ZNF521: variants seen among roughly 807,000 people sequenced by gnomAD.
ZNF521 encodes LYST-interacting protein 3.
Under a neutral mutation model 105.5 loss-of-function variants are expected in ZNF521, and 14 were observed. The observed-to-expected ratio is 0.13, with a 90% CI of 0.09 to 0.21. ZNF521 has a LOEUF of 0.21. Ranked by LOEUF, ZNF521 falls within the 10% of genes least tolerant of loss-of-function variation. The pLI is 1.00. For synonymous variants in ZNF521, 635 were observed against 606.0 expected (o/e 1.05, Z -0.70); for missense variants, 1,233 against 1,629.7 (o/e 0.76, Z 4.19).
intron 5 of ZNF521, chr18:25,136,744 T>A (rs909672024): frequency 6.6e-6 from 1 of 152,214 alleles, no homozygotes; most frequent in Non-Finnish European, 1.5e-5. Flanking sequence ...TGGAGTCTAG[T>A]AATAAAACAG....
chr18:25,313,490 A>T (rs1449094467), intron 3 of ZNF521, among the ~76,000 whole-genome samples: 1 of 152,190 alleles, frequency 6.6e-6, no homozygotes, highest in African/African-American at 2.4e-5. Flanking sequence ...AGCTGACTGA[A>T]AGTTGGCAAA....
chr18:25,100,548 C>T (rs2033946295), intron 5 of ZNF521, among the ~76,000 whole-genome samples: 1 of 152,096 alleles, frequency 6.6e-6, no homozygotes, highest in Non-Finnish European at 1.5e-5. Flanking sequence ...AATCCTGCTC[C>T]TTTCACTTTG....
chr18:25,250,592 G>A (rs1413260009), intron 3 of ZNF521, among the ~76,000 whole-genome samples: 2 of 152,172 alleles, frequency 1.3e-5, no homozygotes, highest in African/African-American at 4.8e-5. Flanking sequence ...CTGTATGGGT[G>A]CCAGATTCTT....
intron 5 of ZNF521, among the ~76,000 whole-genome samples, chr18:25,124,027 T>C (rs1452851358): frequency 6.6e-6 from 1 of 152,170 alleles, no homozygotes; most frequent in East Asian, 1.9e-4. Flanking sequence ...ATCTGTGTCC[T>C]GGCCCCAGTG....
chr18:25,299,345 G>A (rs1001174901), intron 3 of ZNF521, among the ~76,000 whole-genome samples: 5 of 152,284 alleles, frequency 3.3e-5, no homozygotes, highest in East Asian at 1.9e-4. Context: ...ATGTAAATGC[G>A]AACAAGACAA....
At chr18:25,110,699 T>A (rs34979937) in intron 5 of ZNF521, among the ~76,000 whole-genome samples, 1 of 150,988 alleles carries the variant, frequency 6.6e-6, no homozygotes, top group African/African-American at 2.4e-5. Flanking sequence ...AAAAAAAAAA[T>A]TGTGTGTTTC....
At chr18:25,169,801 A>C (rs1197995103) in intron 5 of ZNF521, among the ~76,000 whole-genome samples, 1 of 152,164 alleles carries the variant, frequency 6.6e-6, no homozygotes, top group East Asian at 1.9e-4. Flanking sequence ...GTTTAGAAAA[A>C]CAGAGTAAGA....
chr18:25,280,421 T>TA (rs113409808), intron 3 of ZNF521, among the ~76,000 whole-genome samples: 12,840 of 143,202 alleles, frequency 0.09, 681 homozygotes, highest in African/African-American at 0.17. Context: ...TGTAAAAAAT[T>TA]AAAAAAAAAA....
intron 2 of ZNF521, among the ~76,000 whole-genome samples, chr18:25,343,571 A>G (rs1432379612): frequency 6.6e-6 from 1 of 152,242 alleles, no homozygotes; most frequent in African/African-American, 2.4e-5. Context: ...ATGAAAACAA[A>G]TATTCTGAAT....
intron 3 of ZNF521, among the ~76,000 whole-genome samples, chr18:25,243,508 T>C (rs1911028979): frequency 6.6e-6 from 1 of 152,226 alleles, no homozygotes; most frequent in African/African-American, 2.4e-5. Flanking sequence ...TCACTCTGTA[T>C]CAGCAGAAGA....
intron 3 of ZNF521, among the ~76,000 whole-genome samples, chr18:25,263,558 A>T (rs1909057724): frequency 6.6e-6 from 1 of 151,084 alleles, no homozygotes; most frequent in Non-Finnish European, 1.5e-5. Context: ...GAGCTTCACC[A>T]TGTAGGTCAA....
chr18:25,323,896 C>T (rs1319180702), intron 2 of ZNF521, among the ~76,000 whole-genome samples: 1 of 151,898 alleles, frequency 6.6e-6, no homozygotes, highest in East Asian at 1.9e-4. Flanking sequence ...CTTATATCAC[C>T]ATGTATCTGA....
intron 5 of ZNF521, among the ~76,000 whole-genome samples, chr18:25,153,609 G>A (rs1221233670): frequency 6.6e-6 from 1 of 152,202 alleles, no homozygotes; most frequent in Non-Finnish European, 1.5e-5. Context: ...CAGCATCTGG[G>A]AAACTGCACT....
At chr18:25,202,317 T>TA (rs902669380) in intron 4 of ZNF521, 2 of 152,160 alleles carry the variant, frequency 1.3e-5, no homozygotes, top group African/African-American at 4.8e-5. Context: ...AATAATCAAA[T>TA]AAAAAACCAA....
At chr18:25,244,336 C>T (rs1907560139) in intron 3 of ZNF521, among the ~76,000 whole-genome samples, 1 of 152,000 alleles carries the variant, frequency 6.6e-6, no homozygotes, top group African/African-American at 2.4e-5. Flanking sequence ...TACCACCCCA[C>T]ATCCAAAGAT....
intron 3 of ZNF521, among the ~76,000 whole-genome samples, chr18:25,234,340 T>G (rs772416427): frequency 1.3e-5 from 2 of 152,218 alleles, no homozygotes; most frequent in Non-Finnish European, 2.9e-5. Context: ...CTTTTTATTC[T>G]CTACTATTTT....
Position 25,225,734 on chromosome 18 carries a change from C to T in ZNF521, c.2184G>A (p.Gln728=), listed in dbSNP as rs138448629. 36 of 1,614,092 alleles carry T rather than the reference C, an allele frequency of 2.2e-5. No individual in the cohort carries two copies. Among genetic ancestry groups the T allele is most frequent in the Non-Finnish European group, 2.8e-5 (33 of 1,180,034 alleles). The change falls in exon 4 of 8, where the codon CAG becomes CAA. Residue 728 remains glutamine, a synonymous_variant. Coordinates refer to ENST00000361524, the MANE Select transcript of ZNF521 (RefSeq NM_015461.3). This position sits in a 1 kb window ranked among gnomAD's most constrained non-coding sequence, Gnocchi z 5.6. ...TGGAGACTTTTGAGTCAAAAACTTC[C>T]TGGCAGAGGGTGCAGCGAAAGAAGA... The part of the protein sequence containing the change: ...TFVFFRCTLC[Q]EVFDSKVSIQ...
chr18:25,339,231 T>C (rs571641554), intron 2 of ZNF521, among the ~76,000 whole-genome samples: 1 of 152,214 alleles, frequency 6.6e-6, no homozygotes, highest in African/African-American at 2.4e-5. Flanking sequence ...AGACTGTTAG[T>C]TCCATGAAAC....
chr18:25,204,310 T>C (rs1323597385), intron 4 of ZNF521, among the ~76,000 whole-genome samples: 1 of 152,202 alleles, frequency 6.6e-6, no homozygotes, highest in Non-Finnish European at 1.5e-5. Context: ...TTTAAAATGT[T>C]TTATTGAATT....
Sources: allele counts gnomAD v4.1 joint callset (sites outside exome capture counted in the v4.1 genomes callset), GRCh38; gene constraint gnomAD v4.1.1; non-coding constraint Gnocchi (gnomAD v3.1); transcripts MANE v1.5; gene names NCBI Gene and HGNC (gene_info 2026-07-23, HGNC 2026-07-21).